The following USP6 variants were observed in gnomAD, a reference collection of about 807,000 sequenced individuals.
USP6 encodes ubiquitin carboxyl-terminal hydrolase 6.
Under a neutral mutation model 175.7 loss-of-function variants are expected in USP6, and 128 were observed. The observed-to-expected ratio is 0.73, with a 90% CI of 0.63 to 0.84. The LOEUF is 0.84. USP6 is among the 40% of genes least tolerant of loss of function. The pLI is 0.00. For missense variants in USP6, 1,498 were observed against 1,760.3 expected (o/e 0.85, Z 2.67); for synonymous variants, 562 against 630.6 (o/e 0.89, Z 1.63).
intron 1 of USP6, among the ~76,000 whole-genome samples, chr17:5,117,043 C>T (rs569266969): frequency 7.2e-5 from 11 of 152,292 alleles, no homozygotes; most frequent in Admixed American, 6.5e-4. Flanking sequence ...AGAAAGCCTT[C>T]CCCAGCTAGG....
chr17:5,136,017 A>G (rs2073243576), intron 17 of USP6, 89 bp downstream of exon 17: 1 of 1,584,674 alleles, frequency 6.3e-7, no homozygotes, highest in Non-Finnish European at 8.5e-7. Context: ...GCCAAGGCAC[A>G]CTCCTTGTGT....
At chr17:5,161,892 AT>A (rs1305578194) in intron 32 of USP6, among the ~76,000 whole-genome samples, 2 of 152,112 alleles carry the variant, frequency 1.3e-5, no homozygotes, top group Non-Finnish European at 2.9e-5. Flanking sequence ...TGTGCCTGTA[AT>A]CCCAGCTCCT....
chr17:5,120,744 G>T lies in USP6; in HGVS notation c.-1719G>T. The T allele has an allele frequency of 2.3e-6, 1 of 439,610 alleles. No individual in the cohort carries two copies. Among genetic ancestry groups the T allele is most frequent in the Admixed American group, 2.4e-5 (1 of 41,772 alleles). The allele number at this position is 439,610 out of a possible 1,614,324, so 27.2% of individuals were successfully genotyped here. A position where few individuals can be genotyped will look rare whatever the true frequency, so the allele number is the denominator to read the frequency against. On this transcript the variant is annotated 5_prime_UTR_variant, in exon 3 of 38. Coordinates refer to ENST00000574788, the MANE Select transcript of USP6 (RefSeq NM_001304284.2). ...GATGCATGACCAGGACAAGAAATTG[G>T]TGGAGAAGAGCTACAAGGATGCCAA...
At chr17:5,161,731 T>A in intron 32 of USP6, 117 bp downstream of exon 32, 1 of 1,203,708 alleles carries the variant, frequency 8.3e-7, no homozygotes, top group Non-Finnish European at 1.2e-6. Context: ...ACTTAAGAAC[T>A]GTGGCTGGGC....
chr17:5,142,044 A>G lies in USP6; in HGVS notation c.1615A>G (p.Asn539Asp). The G allele has an allele frequency of 6.2e-7, 1 of 1,613,912 alleles. No individual in the cohort carries two copies. Among genetic ancestry groups the G allele is most frequent in the Non-Finnish European group, 8.5e-7 (1 of 1,179,830 alleles). Residue 539 changes from asparagine to aspartate, a missense_variant, in exon 24 of 38, where the codon AAC becomes GAC. This residue lies in a region of USP6 where 1,217 missense variants were observed against 1,500.8 expected (regional missense o/e 0.81). Transcript: ENST00000574788. Reference protein sequence around the residue: ...KGATGLSNLGNTCFMNSSIQC... With the variant: ...KGATGLSNLGDTCFMNSSIQC... ...AGCCACAGGTCTAAGCAACCTGGGAAACACATGCTTCATGAACTCAAGCAT... is the reference window on the plus strand; with the variant it reads ...AGCCACAGGTCTAAGCAACCTGGGAGACACATGCTTCATGAACTCAAGCAT...
chr17:5,158,604 AGGGAGAGGGG>A (rs1346911755), intron 31 of USP6, among the ~76,000 whole-genome samples: 104 of 122,198 alleles, frequency 8.5e-4, no homozygotes, highest in East Asian at 1.4e-3. Context: ...AGAGAGAGAG[AGGGAGAGGGG>A]GAGAGAGAGA....
chr17:5,136,864 C>G, intron 18 of USP6, 130 bp downstream of exon 18: 1 of 1,428,272 alleles, frequency 7.0e-7, no homozygotes, highest in East Asian at 2.3e-5. Flanking sequence ...CCTGGGACGT[C>G]GGGTTCTCCA....
intron 15 of USP6, chr17:5,135,017 A>C: frequency 7.6e-6 from 4 of 525,518 alleles, no homozygotes; most frequent in Non-Finnish European, 1.4e-5. Flanking sequence ...TTCAGCGTGA[A>C]AAGGATCGGT....
At chr17:5,148,328 A>G (rs1158982494) in intron 29 of USP6, among the ~76,000 whole-genome samples, 1 of 152,234 alleles carries the variant, frequency 6.6e-6, no homozygotes, top group Non-Finnish European at 1.5e-5. Flanking sequence ...ATTCTGCTTA[A>G]TAGTTTCCAG....
intron 6 of USP6, chr17:5,126,946 A>C (rs1011009613): frequency 6.6e-6 from 1 of 151,328 alleles, no homozygotes; most frequent in African/African-American, 2.4e-5. Flanking sequence ...TGACATGCCC[A>C]CGTGGCTGCC....
At position 5,150,761 on chromosome 17, in the gene USP6, G is replaced by A. The variant is rs529306563; in HGVS notation, c.2643+1994G>A. Among the ~76,000 whole-genome samples the A allele has an allele frequency of 1.1e-3, 162 of 152,082 alleles. 1 individual carries two copies. Among genetic ancestry groups the A allele is most frequent in the African/African-American group, 3.8e-3 (156 of 41,504 alleles). ...GCCTGCCTCGCCCTCCCGAAGTGCT[G>A]GGTTTACAGGTGTGAACCACTGCAC... On this transcript the variant is annotated intron_variant, in intron 30 of 37. Transcript: ENST00000574788.
At chr17:5,156,253 G>A (rs2073881185) in intron 31 of USP6, among the ~76,000 whole-genome samples, 1 of 151,224 alleles carries the variant, frequency 6.6e-6, no homozygotes, top group Non-Finnish European at 1.5e-5. Context: ...TTTTGGGATT[G>A]TGATGATGTC....
intron 26 of USP6, 119 bp from the exon 27 acceptor site, chr17:5,145,286 G>A: frequency 8.2e-7 from 1 of 1,216,944 alleles, no homozygotes; most frequent in Non-Finnish European, 1.1e-6. Flanking sequence ...GTTAAATGAA[G>A]AGTAAGGATT....
intron 35 of USP6, 114 bp from the exon 36 acceptor site, chr17:5,170,365 C>T (rs2074186868): frequency 1.4e-6 from 2 of 1,464,000 alleles, no homozygotes; most frequent in East Asian, 2.3e-5. Flanking sequence ...TCATGACTCC[C>T]CTGTCTTTAC....
intron 18 of USP6, 50 bp downstream of exon 18, chr17:5,136,784 G>A (rs758179517): frequency 3.8e-6 from 6 of 1,598,442 alleles, no homozygotes; most frequent in Non-Finnish European, 5.1e-6. Context: ...CCTCCTGTGG[G>A]GCTGTAGGAG....
intron 15 of USP6, chr17:5,134,759 T>G: frequency 4.6e-6 from 1 of 215,838 alleles, no homozygotes; most frequent in Non-Finnish European, 9.3e-6. Context: ...CATAGTAGGA[T>G]TCCCATTCCT....
At chr17:5,137,339 G>T (rs1598015781) in intron 19 of USP6, among the ~76,000 whole-genome samples, 153 bp downstream of exon 19, 2 of 152,338 alleles carry the variant, frequency 1.3e-5, no homozygotes, top group South Asian at 4.1e-4. Flanking sequence ...CCCAAGAGGG[G>T]TCATCCCAGG....
chr17:5,164,394 T>G (rs1283353888), intron 33 of USP6, among the ~76,000 whole-genome samples: 2 of 152,246 alleles, frequency 1.3e-5, no homozygotes, highest in Admixed American at 1.3e-4. Context: ...GAAGAGAAAC[T>G]AATGTTCTAG....
At chr17:5,162,133 A>G (rs1451335681) in intron 32 of USP6, among the ~76,000 whole-genome samples, 2 of 152,136 alleles carry the variant, frequency 1.3e-5, no homozygotes, top group Non-Finnish European at 2.9e-5. Flanking sequence ...TTATTACTCT[A>G]TAAATTCACC....
Sources: allele counts gnomAD v4.1 joint callset (sites outside exome capture counted in the v4.1 genomes callset), GRCh38; gene constraint gnomAD v4.1.1; regional missense constraint gnomAD v4.1.1; transcripts MANE v1.5; gene names NCBI Gene and HGNC (gene_info 2026-07-23, HGNC 2026-07-21).